DAB2IP: variants seen among roughly 807,000 people sequenced by gnomAD.
DAB2IP encodes the protein disabled homolog 2-interacting protein.
A neutral mutation model predicts 107.2 loss-of-function variants in DAB2IP; 28 were observed. The ratio of observed to expected loss-of-function variants is 0.26; its 90% CI spans 0.19 to 0.36. The LOEUF (loss-of-function observed/expected upper bound fraction) is 0.36, where lower values mean the gene tolerates loss of function less well. Ranked by LOEUF, DAB2IP falls within the 10% of genes least tolerant of loss-of-function variation. The probability of loss-of-function intolerance (pLI) is 1.00; values close to 1 mark genes in which losing one functional copy is unlikely to be tolerated. For missense variants in DAB2IP, 1,400 were observed against 1,644.7 expected (o/e 0.85, Z 2.57); for synonymous variants, 755 against 706.4 (o/e 1.07, Z -1.09).
At chr9:121,681,282 A>G (rs1398130625) in intron 2 of DAB2IP, among the ~76,000 whole-genome samples, 1 of 152,126 alleles carries the variant, frequency 6.6e-6, no homozygotes, top group East Asian at 1.9e-4. Context: ...CCCCATCAGC[A>G]TCGCTTTTCC....
At chr9:121,614,123 T>C (rs918821109) in intron 1 of DAB2IP, among the ~76,000 whole-genome samples, 1 of 152,186 alleles carries the variant, frequency 6.6e-6, no homozygotes, top group African/African-American at 2.4e-5. Context: ...ACCGGCTTCA[T>C]AGGTCTATGT....
At chr9:121,774,373 T>C in exon 13 of DAB2IP, 1 of 1,612,626 alleles carries the variant, frequency 6.2e-7, no homozygotes, top group Non-Finnish European at 8.5e-7. Flanking sequence ...CCCACAGGGA[T>C]AGGCTAAGGA....
At chr9:121,641,992 C>CTCTCT (rs1346700067) in intron 1 of DAB2IP, among the ~76,000 whole-genome samples, 11 of 29,320 alleles carry the variant, frequency 3.8e-4, no homozygotes, top group South Asian at 2.4e-3. Flanking sequence ...TTCTTTCTTT[C>CTCTCT]CTTTCTCTCT....
chr9:121,663,093 G>C (rs1185452497), intron 1 of DAB2IP, among the ~76,000 whole-genome samples: 1 of 152,184 alleles, frequency 6.6e-6, no homozygotes, highest in Non-Finnish European at 1.5e-5. Flanking sequence ...TTTTTGGAAG[G>C]CTGGGAATTC....
exon 16 of DAB2IP, chr9:121,783,385 AC>A: frequency 6.4e-7 from 1 of 1,550,406 alleles, no homozygotes; most frequent in Non-Finnish European, 8.7e-7. Flanking sequence ...GGCCCAGCAC[AC>A]CCAGGGCACA....
At chr9:121,739,832 C>T (rs1197122051) in intron 3 of DAB2IP, among the ~76,000 whole-genome samples, 1 of 152,110 alleles carries the variant, frequency 6.6e-6, no homozygotes, top group African/African-American at 2.4e-5. Context: ...GAAAGAATCA[C>T]CAAAGGAAAG....
At chr9:121,666,594 C>T (rs867877749) in intron 1 of DAB2IP, among the ~76,000 whole-genome samples, 26 of 151,832 alleles carry the variant, frequency 1.7e-4, no homozygotes, top group African/African-American at 5.6e-4. Flanking sequence ...CGGGGCCTGT[C>T]GGCGGGTTGG....
chr9:121,641,997 C>CTT (rs1832339255), intron 1 of DAB2IP, among the ~76,000 whole-genome samples: 1 of 14,436 alleles, frequency 6.9e-5, no homozygotes, highest in Non-Finnish European at 1.1e-4. Context: ...TCTTTCCTTT[C>CTT]TCTCTCTCTC....
intron 3 of DAB2IP, among the ~76,000 whole-genome samples, chr9:121,724,364 T>C (rs1209235185): frequency 6.6e-6 from 1 of 151,838 alleles, no homozygotes; most frequent in Non-Finnish European, 1.5e-5. Context: ...TCCTGGAACA[T>C]TCTTTGTTCA....
At chr9:121,715,732 A>G (rs1001248903) in intron 3 of DAB2IP, among the ~76,000 whole-genome samples, 2 of 151,930 alleles carry the variant, frequency 1.3e-5, no homozygotes, top group African/African-American at 4.8e-5. Context: ...TAAATAACAC[A>G]CTTCTCTCCC....
At position 121,760,887 on chromosome 9, in the gene DAB2IP, A is replaced by C. The variant is rs984898838; in HGVS notation, c.1170+448A>C. Among the ~76,000 whole-genome samples the C allele has an allele frequency of 2.0e-5, 3 of 152,156 alleles. No individual in the cohort carries two copies. Among genetic ancestry groups the C allele is most frequent in the Non-Finnish European group, 2.9e-5 (2 of 68,020 alleles). Reference sequence around the variant, plus strand: ...CACGATGCACAGATGAGCCTCCCTCACAGCTCTACCTCACCCCACACTCTC... The same window carrying C: ...CACGATGCACAGATGAGCCTCCCTCCCAGCTCTACCTCACCCCACACTCTC... On this transcript the variant is annotated intron_variant, in intron 6 of 15. Coordinates refer to ENST00000408936, the Ensembl canonical transcript of DAB2IP. The surrounding 1 kb of genome is among the most constrained non-coding windows in gnomAD (Gnocchi z 5.9).
intron 1 of DAB2IP, among the ~76,000 whole-genome samples, chr9:121,630,396 G>A (rs1831831301): frequency 6.6e-6 from 1 of 151,824 alleles, no homozygotes; most frequent in Non-Finnish European, 1.5e-5. Flanking sequence ...ATGGTGGCAG[G>A]TGCCTGTAAG....
chr9:121,588,013 C>T (rs981920415), intron 1 of DAB2IP, among the ~76,000 whole-genome samples: 1 of 152,204 alleles, frequency 6.6e-6, no homozygotes, highest in East Asian at 1.9e-4. Context: ...ATGACTTTCC[C>T]TTGTGGGCAC....
chr9:121,665,779 G>A (rs1367525621), intron 1 of DAB2IP, among the ~76,000 whole-genome samples: 2 of 152,190 alleles, frequency 1.3e-5, no homozygotes, highest in African/African-American at 2.4e-5. Context: ...ATTTCTAAAA[G>A]GAAGCTCTTC....
At chr9:121,627,548 A>G (rs1276068053) in intron 1 of DAB2IP, among the ~76,000 whole-genome samples, 6 of 152,030 alleles carry the variant, frequency 3.9e-5, no homozygotes, top group Non-Finnish European at 7.4e-5. Context: ...TTGCCTACTC[A>G]CTCTCTGCAA....
At chr9:121,763,802 C>T (rs375557765) in exon 8 of DAB2IP, 10 of 1,614,004 alleles carry the variant, frequency 6.2e-6, no homozygotes, top group African/African-American at 1.3e-5. Context: ...AGTGCTCGGC[C>T]GCTGACCTCC....
intron 3 of DAB2IP, among the ~76,000 whole-genome samples, chr9:121,703,042 C>T (rs961720271): frequency 1.3e-5 from 2 of 152,136 alleles, no homozygotes; most frequent in Non-Finnish European, 2.9e-5. Context: ...ATTCCCCCTT[C>T]CAGAGTATGT....
At chr9:121,709,630 G>C (rs534424454) in intron 3 of DAB2IP, among the ~76,000 whole-genome samples, 3 of 152,222 alleles carry the variant, frequency 2.0e-5, no homozygotes, top group African/African-American at 7.2e-5. Flanking sequence ...GTCAAGCACC[G>C]TTCTACATAG....
chr9:121,652,027 C>T, intron 1 of DAB2IP, 128 bp downstream of exon 1: 2 of 847,386 alleles, frequency 2.4e-6, no homozygotes, highest in Non-Finnish European at 3.2e-6. Flanking sequence ...TCCGCCCCTT[C>T]CTGAGTCTGC....
Sources: allele counts gnomAD v4.1 joint callset (sites outside exome capture counted in the v4.1 genomes callset), GRCh38; gene constraint gnomAD v4.1.1; non-coding constraint Gnocchi (gnomAD v3.1); transcripts MANE v1.5; gene names NCBI Gene and HGNC (gene_info 2026-07-23, HGNC 2026-07-21).